Variants in SPON1 observed in about 807,000 individuals in gnomAD.
The protein encoded by SPON1 is spondin 1.
In SPON1, 52 loss-of-function variants were observed where a neutral mutation model predicts 111.7. That is an observed-to-expected ratio of 0.47 (90% CI 0.37 to 0.59). The LOEUF is 0.59. Ranked by LOEUF, SPON1 falls within the 20% of genes least tolerant of loss-of-function variation. The pLI is 0.00. For missense variants in SPON1, 957 were observed against 1,068.5 expected, an observed-to-expected ratio of 0.90 and a Z score of 1.46; for synonymous variants, 410 against 395.8, an observed-to-expected ratio of 1.04 and a Z score of -0.43.
At position 14,223,572 on chromosome 11, in the gene SPON1, G is replaced by A. The variant is rs146410717; in HGVS notation, c.826-19760G>A. 7.9e-3 allele frequency among the ~76,000 whole-genome samples: 1,211 copies of A among 152,328 alleles called. 14 individuals carry two copies. The highest frequency in any genetic ancestry group is 0.027 in the African/African-American group (1,136 of 41,572). On this transcript the variant is annotated intron_variant, in intron 6 of 15. Transcript: ENST00000576479. The stretch of plus-strand genomic sequence containing the variant: ...CGTAAGATGAATGTCATTCGGTTCT[G>A]TCGGTGTATCTCTGTGACTCTGGAG...
intron 1 of SPON1, among the ~76,000 whole-genome samples, chr11:13,975,209 A>G (rs1241116285): frequency 3.9e-5 from 6 of 152,176 alleles, no homozygotes; most frequent in Non-Finnish European, 7.3e-5. Context: ...TAGAGAGCAG[A>G]CGCCATGTCT....
intron 6 of SPON1, among the ~76,000 whole-genome samples, chr11:14,155,061 G>A (rs976644711): frequency 7.9e-5 from 12 of 152,134 alleles, no homozygotes; most frequent in Admixed American, 1.3e-4. Context: ...TGAGACCTTA[G>A]CCTGGGCTTC....
chr11:14,143,251 G>T (rs1394509763), intron 6 of SPON1, among the ~76,000 whole-genome samples: 1 of 152,174 alleles, frequency 6.6e-6, no homozygotes, highest in Admixed American at 6.5e-5. Context: ...CTGTGGGCAG[G>T]GCAGTTTATA....
chr11:14,001,724 C>T (rs868945377), intron 2 of SPON1, among the ~76,000 whole-genome samples: 2 of 151,986 alleles, frequency 1.3e-5, no homozygotes, highest in South Asian at 2.1e-4. Context: ...GAAGGAGTTT[C>T]TAGGGAAAAC....
At chr11:13,998,780 G>A (rs561037162) in intron 2 of SPON1, among the ~76,000 whole-genome samples, 3 of 152,304 alleles carry the variant, frequency 2.0e-5, no homozygotes, top group South Asian at 2.1e-4. Context: ...GTTTGCAAAC[G>A]TTAATTGGTC....
chr11:14,252,485 GA>G, intron 7 of SPON1, among the ~76,000 whole-genome samples: 1 of 142,002 alleles, frequency 7.0e-6, no homozygotes, highest in South Asian at 2.4e-4. Context: ...GACCTGCGCA[GA>G]GTGTGGGAAT....
intron 6 of SPON1, among the ~76,000 whole-genome samples, chr11:14,177,186 G>A (rs1173716537): frequency 1.3e-5 from 2 of 152,020 alleles, no homozygotes; most frequent in South Asian, 2.1e-4. Context: ...GACTACAGGC[G>A]CCCACCACCA....
intron 5 of SPON1, among the ~76,000 whole-genome samples, chr11:14,119,335 G>T (rs1849287805): frequency 6.6e-6 from 1 of 152,108 alleles, no homozygotes; most frequent in African/African-American, 2.4e-5. Flanking sequence ...CATTATTCAG[G>T]TCACTGGCAT....
At chr11:13,970,232 A>G (rs1554908451) in intron 1 of SPON1, among the ~76,000 whole-genome samples, 1 of 152,188 alleles carries the variant, frequency 6.6e-6, no homozygotes, top group East Asian at 1.9e-4. Flanking sequence ...GGGTGCAGAT[A>G]GGACAGGGCA....
At chr11:14,092,649 G>T (rs1169883952) in intron 5 of SPON1, among the ~76,000 whole-genome samples, 1 of 152,118 alleles carries the variant, frequency 6.6e-6, no homozygotes, top group Non-Finnish European at 1.5e-5. Context: ...AAGAAGGGAG[G>T]CAGGGGAATC....
chr11:14,208,072 A>G (rs1848534039), intron 6 of SPON1, among the ~76,000 whole-genome samples: 1 of 152,226 alleles, frequency 6.6e-6, no homozygotes, highest in East Asian at 1.9e-4. Flanking sequence ...ATGGAGCTGG[A>G]GGCCATTATC....
At chr11:14,179,665 A>C (rs1848217443) in intron 6 of SPON1, among the ~76,000 whole-genome samples, 1 of 152,168 alleles carries the variant, frequency 6.6e-6, no homozygotes, top group Admixed American at 6.5e-5. Flanking sequence ...AAAAATTAAC[A>C]TTCTCCTATG....
At chr11:14,193,390 C>A (rs781877454) in intron 6 of SPON1, among the ~76,000 whole-genome samples, 20 of 152,178 alleles carry the variant, frequency 1.3e-4, no homozygotes, top group Non-Finnish European at 2.5e-4. Flanking sequence ...AACCTCATCA[C>A]TGACAGCTTG....
At chr11:14,137,563 C>T (rs1406900289) in intron 6 of SPON1, among the ~76,000 whole-genome samples, 2 of 152,118 alleles carry the variant, frequency 1.3e-5, no homozygotes, top group Non-Finnish European at 2.9e-5. Context: ...GATAAGGAAA[C>T]CAAGGCATGG....
In SPON1 at chr11:13,962,916, C is replaced by A; in HGVS notation, c.12C>A (p.Ser4=). 6.5e-7 allele frequency: 1 copy of A among 1,544,998 alleles called. No individual in the cohort carries two copies. The change falls in exon 1 of 16, where the codon TCC becomes TCA. Residue 4 remains serine, a synonymous_variant. Transcript: ENST00000576479. MRL[S]PAPLKLSRTP... ...TGGGGGCCGCGAAGATGAGGCTGTC[C>A]CCGGCGCCCCTGAAGCTGAGCCGGA...
chr11:13,965,627 C>T (rs1848010248), intron 1 of SPON1, among the ~76,000 whole-genome samples: 1 of 152,160 alleles, frequency 6.6e-6, no homozygotes, highest in Non-Finnish European at 1.5e-5. Context: ...ATCTTTTCTC[C>T]CTTCTTATGG....
At chr11:14,111,362 T>C (rs1174963621) in intron 5 of SPON1, among the ~76,000 whole-genome samples, 1 of 152,214 alleles carries the variant, frequency 6.6e-6, no homozygotes. Context: ...TTAGAGTTGG[T>C]TGGGACTGTT....
At chr11:14,152,385 G>A (rs1406952200) in intron 6 of SPON1, among the ~76,000 whole-genome samples, 5 of 152,192 alleles carry the variant, frequency 3.3e-5, no homozygotes, top group Non-Finnish European at 5.9e-5. Flanking sequence ...TAATCAATGA[G>A]TAAGGAAAAT....
At chr11:14,041,092 A>G (rs1848627787) in intron 2 of SPON1, among the ~76,000 whole-genome samples, 3 of 152,334 alleles carry the variant, frequency 2.0e-5, no homozygotes, top group Middle Eastern at 3.4e-3. Flanking sequence ...ATACTTTGCT[A>G]TACTTCCTCC....
Sources: allele counts gnomAD v4.1 joint callset (sites outside exome capture counted in the v4.1 genomes callset), GRCh38; gene constraint gnomAD v4.1.1; transcripts MANE v1.5; gene names NCBI Gene and HGNC (gene_info 2026-07-23, HGNC 2026-07-21).